The following MCM3AP variants were observed in gnomAD, a reference collection of about 807,000 sequenced individuals.
MCM3AP encodes the protein germinal-center associated nuclear protein.
In MCM3AP, 126 loss-of-function variants were observed where a neutral mutation model predicts 184.1. The observed-to-expected ratio is 0.68, with a 90% CI of 0.59 to 0.79. The LOEUF is 0.79. MCM3AP is among the 30% of genes least tolerant of loss of function. The pLI is 0.00. For synonymous variants in MCM3AP, 1,002 were observed against 979.3 expected, an observed-to-expected ratio of 1.02 and a Z score of -0.43; for missense variants, 2,496 against 2,479.2, an observed-to-expected ratio of 1.01 and a Z score of -0.14.
Position 46,242,797 on chromosome 21 carries a change from C to T in MCM3AP, c.5426+5G>A. 6.2e-7 allele frequency: 1 copy of T among 1,602,170 alleles called. No homozygotes were observed. Among genetic ancestry groups the T allele is most frequent in the Non-Finnish European group, 8.5e-7 (1 of 1,176,120 alleles). Reference sequence around the variant, plus strand: ...CAACAGAAACATACTGAACATGAACCTCACCGTCCCTCTCTCAGCTGTAGC... The same window carrying T: ...CAACAGAAACATACTGAACATGAACTTCACCGTCCCTCTCTCAGCTGTAGC... On this transcript the variant is annotated splice_donor_5th_base_variant and intron_variant, in intron 25 of 27. Transcript: ENST00000291688.
intron 8 of MCM3AP, among the ~76,000 whole-genome samples, chr21:46,270,849 T>C (rs2081170411): frequency 6.6e-6 from 1 of 152,176 alleles, no homozygotes; most frequent in African/African-American, 2.4e-5. Context: ...AAGGAGGGTC[T>C]TACTGGTGAA....
intron 20 of MCM3AP, among the ~76,000 whole-genome samples, chr21:46,248,550 T>C (rs539364366): frequency 1.3e-4 from 19 of 149,080 alleles, no homozygotes; most frequent in Non-Finnish European, 2.4e-4. Flanking sequence ...TATAGACAGA[T>C]AGCCTTGGGT....
chr21:46,252,238 G>A (rs578095070), intron 19 of MCM3AP: 1 of 152,196 alleles, frequency 6.6e-6, no homozygotes, highest in African/African-American at 2.4e-5. Flanking sequence ...TCATTCTAAT[G>A]TGACTTAAAA....
intron 13 of MCM3AP, among the ~76,000 whole-genome samples, chr21:46,263,823 C>T (rs1478661484): frequency 7.3e-6 from 1 of 137,458 alleles, no homozygotes; most frequent in African/African-American, 2.7e-5. Context: ...ATGACAGTAC[C>T]ACCCAGAACA....
intron 9 of MCM3AP, among the ~76,000 whole-genome samples, chr21:46,268,542 G>A (rs2081141215): frequency 6.6e-6 from 1 of 152,234 alleles, no homozygotes; most frequent in Non-Finnish European, 1.5e-5. Flanking sequence ...GGGCCCTGCT[G>A]AGGGCGGCAG....
rs1418749023 is a variant in MCM3AP, at chr21:46,277,533, G to A, written c.1852C>T (p.Arg618Trp). 1.9e-6 allele frequency: 3 copies of A among 1,573,876 alleles called. No individual in the cohort carries two copies. Among genetic ancestry groups the A allele is most frequent in the East Asian group, 2.3e-5 (1 of 43,024 alleles). Residue 618 changes from arginine (R) to tryptophan (W), a missense_variant, in exon 5 of 28, where the codon CGG becomes TGG. This residue lies in a region of MCM3AP where 130 missense variants were observed against 199.8 expected (regional missense o/e 0.65). Transcript: ENST00000291688. The stretch of plus-strand genomic sequence containing the variant: ...CTGCCACCAAGTGCCATACCTTGCC[G>A]CATGATCCTGTCTCTCTGGTCAAGC... ...RLLDQRDRIM[R>W]QARVKRTDLD...
Position 46,246,614 on chromosome 21 carries a change from C to T in MCM3AP, c.4549+14G>A, listed in dbSNP as rs2123833321. On this transcript the variant is annotated intron_variant, in intron 21 of 27. Coordinates refer to ENST00000291688, the MANE Select transcript of MCM3AP (RefSeq NM_003906.5). ...AAACAATGCTGCTTCATAAACGAGA[C>T]TTCCTTCACAAACCATCTTCTACTT... The T allele has an allele frequency of 6.2e-7, 1 of 1,606,884 alleles. No homozygotes were observed. Among genetic ancestry groups the T allele is most frequent in the Non-Finnish European group, 8.5e-7 (1 of 1,173,998 alleles).
Position 46,246,761 on chromosome 21 carries a change from C to T in MCM3AP, c.4416G>A (p.Glu1472=), listed in dbSNP as rs201049797. Residue 1472 remains glutamate (E), a synonymous_variant, in exon 21 of 28, where the codon GAG becomes GAA. Coordinates refer to ENST00000291688, the MANE Select transcript of MCM3AP (RefSeq NM_003906.5). ...GCAAGGCCGACAGCCAGTACACGTCCTCCTCTGCCATGTCCTCACTCTTCA... is the reference window on the plus strand; with the variant it reads ...GCAAGGCCGACAGCCAGTACACGTCTTCCTCTGCCATGTCCTCACTCTTCA... ...PKMKSEDMAE[E]DVYWLSALLQ... is the part of the protein sequence containing the mutation. 3.1e-6 allele frequency: 5 copies of T among 1,614,138 alleles called. No individual in the cohort carries two copies. Among genetic ancestry groups the T allele is most frequent in the Non-Finnish European group, 4.2e-6 (5 of 1,180,056 alleles).
intron 13 of MCM3AP, among the ~76,000 whole-genome samples, chr21:46,263,780 C>CAAAAAAAAAAAAAAAAAAAAAA (rs57674256): frequency 3.5e-5 from 1 of 28,330 alleles, no homozygotes; most frequent in Non-Finnish European, 5.4e-5. Context: ...GACTCCATCT[C>CAAAAAAAAAAAAAAAAAAAAAA]AAAAAAAAAA....
intron 19 of MCM3AP, chr21:46,252,472 T>C (rs1356737490): frequency 6.6e-6 from 1 of 152,004 alleles, no homozygotes; most frequent in African/African-American, 2.4e-5. Flanking sequence ...GGTGGATCGC[T>C]TGAGCCCAGT....
intron 27 of MCM3AP, 26 bp downstream of exon 27, chr21:46,236,803 A>T: frequency 6.7e-7 from 1 of 1,486,772 alleles, no homozygotes; most frequent in Non-Finnish European, 9.0e-7. Flanking sequence ...TCTTATGTAA[A>T]TGCCAAATGT....
At position 46,284,869 on chromosome 21, in the gene MCM3AP, C is replaced by CA. The variant is rs1394719221; in HGVS notation, c.417dup (p.Gly140TrpfsTer8). 6.2e-7 allele frequency: 1 copy of CA among 1,614,026 alleles called. No individual in the cohort carries two copies. The highest frequency in any genetic ancestry group is 8.5e-7 in the Non-Finnish European group (1 of 1,180,048). Reference sequence around the variant, plus strand: ...GGTTTAAAGCTGAATTCTGTTTTCCCAAAACCAGAGTTCACTATTTCTCCA... The same window carrying CA: ...GGTTTAAAGCTGAATTCTGTTTTCCCAAAAACCAGAGTTCACTATTTCTCCA... On this transcript the variant is annotated frameshift_variant, in exon 1 of 28. Transcript: ENST00000291688. LOFTEE classifies it high-confidence loss of function.
At position 46,273,370 on chromosome 21, in the gene MCM3AP, G is replaced by T; in HGVS notation, c.2196+18C>A. ...TTTGCGTGGATTTTTTAGCATCCAGGTTGGAGGCAGCCAATACCTTCCGTA... is the reference window on the plus strand; with the variant it reads ...TTTGCGTGGATTTTTTAGCATCCAGTTTGGAGGCAGCCAATACCTTCCGTA... On this transcript the variant is annotated intron_variant, in intron 7 of 27. Coordinates refer to ENST00000291688, the MANE Select transcript of MCM3AP (RefSeq NM_003906.5). 1.9e-6 allele frequency: 3 copies of T among 1,609,002 alleles called. No individual in the cohort carries two copies. Among genetic ancestry groups the T allele is most frequent in the Non-Finnish European group, 2.6e-6 (3 of 1,175,624 alleles).
intron 4 of MCM3AP, among the ~76,000 whole-genome samples, chr21:46,278,428 C>T (rs2081281944): frequency 6.6e-6 from 1 of 152,104 alleles, no homozygotes; most frequent in Non-Finnish European, 1.5e-5. Context: ...CTAAACTGCT[C>T]GTCACAAAAC....
chr21:46,280,570 A>G lies in MCM3AP; in HGVS notation c.1449T>C (p.Ser483=), dbSNP rs765024351. 3.7e-5 allele frequency: 59 copies of G among 1,611,036 alleles called. No individual in the cohort carries two copies. The Admixed American group carries it at 9.7e-4, about 26-fold the overall frequency. The change falls in exon 3 of 28, where the codon TCT becomes TCC. Residue 483 remains serine (S), a synonymous_variant. Transcript: ENST00000291688. ...TCCCCTTCTTTCTAGCCAGGGCTGCAGATGCCTGGAAAACAGTCCACAACC... is the reference window on the plus strand; with the variant it reads ...TCCCCTTCTTTCTAGCCAGGGCTGCGGATGCCTGGAAAACAGTCCACAACC... ...LAVVHFFDHA[S]AALARKKGKS...
At chr21:46,266,866 G>T in intron 10 of MCM3AP, 116 bp downstream of exon 10, 2 of 1,114,072 alleles carry the variant, frequency 1.8e-6, no homozygotes, top group Non-Finnish European at 2.5e-6. Flanking sequence ...CACCTGCATG[G>T]CAGAGGGAAT....
intron 13 of MCM3AP, among the ~76,000 whole-genome samples, chr21:46,263,817 C>T (rs1264198337): frequency 1.1e-5 from 1 of 93,642 alleles, no homozygotes; most frequent in Non-Finnish European, 2.2e-5. Context: ...AAAAAGATGA[C>T]AGTACCACCC....
Position 46,240,866 on chromosome 21 carries a change from G to GCTC in MCM3AP, c.5575_5577dup (p.Glu1859dup). 6.2e-7 allele frequency: 1 copy of GCTC among 1,614,206 alleles called. No homozygotes were observed. Among genetic ancestry groups the GCTC allele is most frequent in the Non-Finnish European group, 8.5e-7 (1 of 1,180,040 alleles). ...CTGCTCGACAAACACTGCGCCAAGA[G>GCTC]CTCCTCAGCAGAAGCTCCTCGCATC... is the stretch of plus-strand genomic sequence containing the variant. On this transcript the variant is annotated inframe_insertion, in exon 26 of 28. Transcript: ENST00000291688.
chr21:46,255,708 G>A (rs1274547552), intron 17 of MCM3AP, among the ~76,000 whole-genome samples: 1 of 152,082 alleles, frequency 6.6e-6, no homozygotes, highest in Admixed American at 6.5e-5. Flanking sequence ...CATGATGGGG[G>A]CTGTCAGTGA....
Sources: allele counts gnomAD v4.1 joint callset (sites outside exome capture counted in the v4.1 genomes callset), GRCh38; gene constraint gnomAD v4.1.1; regional missense constraint gnomAD v4.1.1; transcripts MANE v1.5; gene names NCBI Gene and HGNC (gene_info 2026-07-23, HGNC 2026-07-21).